The following NRIP1 variants were observed in gnomAD, a reference collection of about 807,000 sequenced individuals.
NRIP1 encodes the protein nuclear receptor-interacting protein 1.
A neutral mutation model predicts 75.0 loss-of-function variants in NRIP1; 28 were observed. The ratio of observed to expected loss-of-function variants is 0.37; its 90% confidence interval spans 0.28 to 0.51. The LOEUF (loss-of-function observed/expected upper bound fraction) is 0.51. Ranked by LOEUF, NRIP1 falls within the 20% of genes least tolerant of loss-of-function variation. The probability of loss-of-function intolerance (pLI) is 0.92; values close to 1 mark genes in which losing one functional copy is unlikely to be tolerated. For synonymous variants in NRIP1, 526 were observed against 487.6 expected (o/e 1.08, Z -1.04); for missense variants, 1,435 against 1,343.7 (o/e 1.07, Z -1.06).
chr21:15,047,110 T>C (rs1989587), intron 1 of NRIP1, among the ~76,000 whole-genome samples: 2,523 of 152,278 alleles, frequency 0.017, 76 homozygotes, highest in African/African-American at 0.057. Flanking sequence ...AGAGGTTTCA[T>C]TGACTCAGAG....
chr21:14,986,867 G>A (rs1350774648), intron 3 of NRIP1, among the ~76,000 whole-genome samples: 3 of 152,166 alleles, frequency 2.0e-5, no homozygotes, highest in East Asian at 1.9e-4. Flanking sequence ...TTTATGAGGT[G>A]AAATCTATTT....
At position 14,990,158 on chromosome 21, in the gene NRIP1, G is replaced by T. The variant is rs543069422; in HGVS notation, c.-334-21632C>A. On this transcript the variant is annotated intron_variant, in intron 3 of 3. Transcript: ENST00000318948. ...CGCCACTAGCCTAAGAGCTGCTCCA[G>T]AAGGTGAGCATGTACTCTTTCCCTC... Among the ~76,000 whole-genome samples the T allele has an allele frequency of 2.6e-5, 4 of 152,242 alleles. No homozygotes were observed. In the East Asian group the frequency reaches 5.8e-4, roughly 22 times the overall value.
chr21:15,048,888 C>T (rs562123152), intron 1 of NRIP1, among the ~76,000 whole-genome samples: 1 of 152,140 alleles, frequency 6.6e-6, no homozygotes, highest in South Asian at 2.1e-4. Context: ...CCTTTTCCAT[C>T]CTTCATTAGG....
chr21:14,966,918 T>G lies in NRIP1; in HGVS notation c.1275A>C (p.Thr425=). Residue 425 remains threonine, a synonymous_variant, in exon 4 of 4, where the codon ACA becomes ACC. Transcript: ENST00000318948. ...DEYSDNNPSF[T]DDSSGDESSY... is the part of the protein sequence containing the mutation. ...AACTTTCATCACCACTGCTGTCATC[T>G]GTAAAACTAGGATTGTTATCTGAAT... 6.2e-7 allele frequency: 1 copy of G among 1,614,166 alleles called. No individual in the cohort carries two copies. Among genetic ancestry groups the G allele is most frequent in the East Asian group, 2.2e-5 (1 of 44,874 alleles).
chr21:15,055,208 GA>G (rs771180782), intron 1 of NRIP1, among the ~76,000 whole-genome samples: 1 of 152,106 alleles, frequency 6.6e-6, no homozygotes, highest in Non-Finnish European at 1.5e-5. Context: ...GTTTCCAGTT[GA>G]ACCAACAGAC....
At chr21:14,977,586 C>T (rs1810403) in intron 3 of NRIP1, among the ~76,000 whole-genome samples, 65,540 of 151,536 alleles carry the variant, frequency 0.43, 14,322 homozygotes, top group East Asian at 0.61. Context: ...TAAAAAGTCA[C>T]TGGAAAAAAC....
At chr21:15,022,163 T>G (rs552000150) in intron 2 of NRIP1, among the ~76,000 whole-genome samples, 3 of 152,156 alleles carry the variant, frequency 2.0e-5, no homozygotes, top group Admixed American at 6.5e-5. Flanking sequence ...AGTGATAGAC[T>G]GGATAAAGAA....
intron 1 of NRIP1, chr21:15,050,555 A>C: frequency 2.8e-6 from 1 of 362,236 alleles, no homozygotes; most frequent in Non-Finnish European, 5.4e-6. Flanking sequence ...AATGAACTAT[A>C]CTAATGGCAT....
At chr21:14,975,640 AAAAAG>A (rs1385994746) in intron 3 of NRIP1, among the ~76,000 whole-genome samples, 6 of 145,394 alleles carry the variant, frequency 4.1e-5, no homozygotes, top group Non-Finnish European at 8.9e-5. Flanking sequence ...AAAAAAAAAA[AAAAAG>A]GAAGGAAGGA....
At chr21:15,044,582 C>T (rs1047649475) in intron 1 of NRIP1, among the ~76,000 whole-genome samples, 1 of 152,072 alleles carries the variant, frequency 6.6e-6, no homozygotes, top group African/African-American at 2.4e-5. Context: ...ACTTATACTT[C>T]TAGAACTCTC....
At position 14,962,896 on chromosome 21, in the gene NRIP1, C is replaced by T. The variant is rs1333786025; in HGVS notation, c.*1820G>A. 1 of 152,322 alleles carries T rather than the reference C, an allele frequency of 6.6e-6. No homozygotes were observed. 9.4% of individuals were successfully genotyped at this position (152,322 alleles called of 1,614,324 possible). A position where few individuals can be genotyped will look rare whatever the true frequency, so the allele number is the denominator to read the frequency against. On this transcript the variant is annotated 3_prime_UTR_variant, in exon 4 of 4. Coordinates refer to ENST00000318948, the MANE Select transcript of NRIP1 (RefSeq NM_003489.4). ...AGTAGAACAATTTTAAATCAATATCCTAACTAGTAGTGATTATAGAATAAT... is the reference window on the plus strand; with the variant it reads ...AGTAGAACAATTTTAAATCAATATCTTAACTAGTAGTGATTATAGAATAAT...
At chr21:15,039,076 G>C (rs1014538631) in intron 2 of NRIP1, among the ~76,000 whole-genome samples, 1 of 152,122 alleles carries the variant, frequency 6.6e-6, no homozygotes, top group African/African-American at 2.4e-5. Flanking sequence ...GTTTTGAATT[G>C]TGTGGTCACC....
chr21:15,044,294 G>T (rs1311466183), intron 1 of NRIP1, among the ~76,000 whole-genome samples: 1 of 150,596 alleles, frequency 6.6e-6, no homozygotes, highest in African/African-American at 2.5e-5. Flanking sequence ...TGTACCACTA[G>T]GAACAGAAAA....
Position 14,964,902 on chromosome 21 carries a change from T to C in NRIP1, c.3291A>G (p.Glu1097=). Residue 1097 remains glutamate, a synonymous_variant, in exon 4 of 4, where the codon GAA becomes GAG. Coordinates refer to ENST00000318948, the MANE Select transcript of NRIP1 (RefSeq NM_003489.4). ...CTTTGGCTGTGACCTGTGAGACACT[T>C]TCAGCAGATGAAGCCTCCCTCCAAA... The part of the protein sequence containing the change: ...KDIWREASSA[E]SVSQVTAKEE... 3.1e-6 allele frequency: 5 copies of C among 1,613,374 alleles called. No homozygotes were observed. Among genetic ancestry groups the C allele is most frequent in the Non-Finnish European group, 4.2e-6 (5 of 1,179,666 alleles).
Position 14,966,347 on chromosome 21 carries a change from T to G in NRIP1, c.1846A>C (p.Asn616His). ...GTTGCAGAGTTCTGTGCACCTTCAT[T>G]TTGGGCTGGTTTCTCTCCTGGTGGG... ...KDPPGEKPAQ[N>H]EGAQNSATFS... Residue 616 changes from asparagine to histidine, a missense_variant, in exon 4 of 4, where the codon AAT becomes CAT. Physicochemically the swap from Asn to His is moderately conservative, Grantham distance 68 (BLOSUM62 1). Transcript: ENST00000318948. The G allele has an allele frequency of 6.2e-7, 1 of 1,614,034 alleles. No individual in the cohort carries two copies. Among genetic ancestry groups the G allele is most frequent in the Non-Finnish European group, 8.5e-7 (1 of 1,179,956 alleles).
chr21:14,966,702 T>G lies in NRIP1; in HGVS notation c.1491A>C (p.Lys497Asn). 2 of 1,614,130 alleles carry G rather than the reference T, an allele frequency of 1.2e-6. No homozygotes were observed. The highest frequency in any genetic ancestry group is 1.7e-6 in the Non-Finnish European group (2 of 1,179,996). The part of the protein sequence containing the change: ...SKNSKLNSHQ[K>N]VTLLQLLLGH... ...CAAGTAGCAATTGAAGAAGTGTTAC[T>G]TTCTGGTGTGAGTTTAGCTTAGAAT... Residue 497 changes from lysine to asparagine, a missense_variant, in exon 4 of 4, where the codon AAA becomes AAC. Physicochemically the swap from Lys to Asn is moderately conservative, Grantham distance 94. Coordinates refer to ENST00000318948, the MANE Select transcript of NRIP1 (RefSeq NM_003489.4).
At chr21:15,040,458 GAAT>G (rs1488375882) in intron 2 of NRIP1, among the ~76,000 whole-genome samples, 2 of 151,982 alleles carry the variant, frequency 1.3e-5, no homozygotes, top group Non-Finnish European at 2.9e-5. Context: ...ATGCTAGAAT[GAAT>G]AATATCAATT....
At chr21:15,052,529 TAGTATGTACAACCACAG>T (rs2089223000) in intron 1 of NRIP1, 1 of 152,122 alleles carries the variant, frequency 6.6e-6, no homozygotes, top group Admixed American at 6.6e-5. Context: ...ACTCACAAGG[TAGTATGTACAACCACAG>T]TTTTCCCCCG....
intron 2 of NRIP1, among the ~76,000 whole-genome samples, chr21:15,042,744 A>C (rs775647977): frequency 2.6e-5 from 4 of 152,330 alleles, no homozygotes; most frequent in Non-Finnish European, 5.9e-5. Context: ...CAGCCTCCAG[A>C]ACTGTGAGAA....
Sources: allele counts gnomAD v4.1 joint callset (sites outside exome capture counted in the v4.1 genomes callset), GRCh38; gene constraint gnomAD v4.1.1; transcripts MANE v1.5; gene names NCBI Gene and HGNC (gene_info 2026-07-23, HGNC 2026-07-21).